The following ZNF609 variants were observed in gnomAD, a reference collection of about 807,000 sequenced individuals.
The protein encoded by ZNF609 is zinc finger protein 609.
ZNF609 carries 11 observed loss-of-function variants against 109.5 expected under a neutral mutation model. That is an observed-to-expected ratio of 0.10 (90% CI 0.06 to 0.17). The LOEUF (loss-of-function observed/expected upper bound fraction) is 0.17, where lower values mean the gene tolerates loss of function less well. ZNF609 is among the 10% of genes least tolerant of loss of function. The probability of loss-of-function intolerance (pLI) is 1.00; values close to 1 mark genes in which losing one functional copy is unlikely to be tolerated. For missense variants in ZNF609, 1,559 were observed against 1,772.4 expected (o/e 0.88, Z 2.16); for synonymous variants, 646 against 662.0 (o/e 0.98, Z 0.37).
At chr15:64,634,323 C>T (rs1001163406) in intron 3 of ZNF609, among the ~76,000 whole-genome samples, 15 of 152,124 alleles carry the variant, frequency 9.9e-5, no homozygotes, top group Non-Finnish European at 1.9e-4. Flanking sequence ...TTTTGCTTAG[C>T]AGGAAGTTAG....
chr15:64,561,840 A>T lies in ZNF609; in HGVS notation c.748-60987A>T, dbSNP rs531257957. Among the ~76,000 whole-genome samples the T allele has an allele frequency of 3.9e-5, 6 of 152,178 alleles. No individual in the cohort carries two copies. In the East Asian group the frequency reaches 1.2e-3, roughly 29 times the overall value. On this transcript the variant is annotated intron_variant, in intron 2 of 9. Coordinates refer to ENST00000326648, the MANE Select transcript of ZNF609 (RefSeq NM_015042.2). ...CACTCCTGAACACCAGGAACTGAACATTGTTGTGTTTGGGTATTGTGAGTA... is the reference window on the plus strand; with the variant it reads ...CACTCCTGAACACCAGGAACTGAACTTTGTTGTGTTTGGGTATTGTGAGTA...
intron 1 of ZNF609, among the ~76,000 whole-genome samples, chr15:64,478,194 G>GTGTC (rs1391029098): frequency 1.6e-4 from 23 of 146,602 alleles, no homozygotes; most frequent in Admixed American, 1.4e-3. Flanking sequence ...GTGTGTGTGT[G>GTGTC]TGTCTGTTTA....
At chr15:64,526,380 A>G (rs1349635330) in intron 2 of ZNF609, among the ~76,000 whole-genome samples, 3 of 152,110 alleles carry the variant, frequency 2.0e-5, no homozygotes, top group Non-Finnish European at 4.4e-5. Flanking sequence ...ATATGAGATC[A>G]TGTTATCTGC....
intron 2 of ZNF609, among the ~76,000 whole-genome samples, chr15:64,603,823 A>G (rs1895547140): frequency 6.6e-6 from 1 of 150,872 alleles, no homozygotes; most frequent in Admixed American, 6.6e-5. Flanking sequence ...AGATGGTGAA[A>G]CCCATCTTTA....
At chr15:64,512,604 T>C (rs73452270) in intron 2 of ZNF609, among the ~76,000 whole-genome samples, 2,200 of 152,268 alleles carry the variant, frequency 0.014, 61 homozygotes, top group African/African-American at 0.05. Context: ...AGAGGAAATA[T>C]CGCATCACAG....
intron 2 of ZNF609, among the ~76,000 whole-genome samples, chr15:64,530,251 A>G (rs971086469): frequency 1.3e-5 from 2 of 151,800 alleles, no homozygotes; most frequent in African/African-American, 2.4e-5. Context: ...CCTGACCTCA[A>G]GTGATCCGCT....
At chr15:64,548,905 G>A (rs914836132) in intron 2 of ZNF609, among the ~76,000 whole-genome samples, 5 of 152,142 alleles carry the variant, frequency 3.3e-5, no homozygotes, top group African/African-American at 1.2e-4. Flanking sequence ...TAAAAAAGAT[G>A]ATACAGAAAT....
chr15:64,655,934 A>C (rs1468837809), intron 3 of ZNF609, among the ~76,000 whole-genome samples: 2 of 152,210 alleles, frequency 1.3e-5, no homozygotes, highest in African/African-American at 4.8e-5. Flanking sequence ...TGGAATAAGT[A>C]ATTAACTAAC....
rs765652611 is a variant in ZNF609 at position 64,673,943 on chromosome 15, G to A, written c.1089G>A (p.Leu363=). 1.9e-6 allele frequency: 3 copies of A among 1,612,800 alleles called. No homozygotes were observed. Among genetic ancestry groups the A allele is most frequent in the Non-Finnish European group, 2.5e-6 (3 of 1,178,924 alleles). Residue 363 remains leucine, a synonymous_variant, in exon 5 of 10, where the codon CTG becomes CTA. Transcript: ENST00000326648. The part of the protein sequence containing the change: ...PRFCDSPTSD[L]EMRNGRGRGK... ...TCTGTGACTCCCCGACCAGTGACCT[G>A]GAAATGCGCAATGGCCGGGGTAGAG... is the stretch of plus-strand genomic sequence containing the variant.
At chr15:64,645,008 T>TCTTCCTTCCTTC (rs1170783769) in intron 3 of ZNF609, among the ~76,000 whole-genome samples, 8 of 140,152 alleles carry the variant, frequency 5.7e-5, no homozygotes, top group African/African-American at 1.4e-4. Flanking sequence ...TTTCTTTCTT[T>TCTTCCTTCCTTC]CTTCCTTCCT....
intron 3 of ZNF609, among the ~76,000 whole-genome samples, chr15:64,642,976 A>T (rs996160122): frequency 6.6e-6 from 1 of 152,156 alleles, no homozygotes; most frequent in African/African-American, 2.4e-5. Flanking sequence ...GAAGTTTCTG[A>T]ATATATTTAC....
intron 2 of ZNF609, among the ~76,000 whole-genome samples, chr15:64,604,735 A>G (rs1361391546): frequency 5.3e-5 from 8 of 152,202 alleles, no homozygotes; most frequent in Non-Finnish European, 1.0e-4. Flanking sequence ...CAGGGTTTCA[A>G]ATAATCCCAT....
rs539291197 is a variant in ZNF609 at position 64,612,025 on chromosome 15, G to A, written c.748-10802G>A. Among the ~76,000 whole-genome samples the A allele has an allele frequency of 1.1e-3, 174 of 151,696 alleles. 1 individual carries two copies. Among genetic ancestry groups the A allele is most frequent in the South Asian group, 2.1e-3 (10 of 4,798 alleles). ...GCTGGGATTACAGGCATGAGCCACC[G>A]TGCCCAGCCTGTACTTGCATTTTCT... On this transcript the variant is annotated intron_variant, in intron 2 of 9. Transcript: ENST00000326648.
intron 3 of ZNF609, among the ~76,000 whole-genome samples, chr15:64,662,521 C>T (rs1896593795): frequency 6.6e-6 from 1 of 152,172 alleles, no homozygotes; most frequent in Non-Finnish European, 1.5e-5. Context: ...GACAGGGTCT[C>T]ACTACATTGC....
chr15:64,645,202 T>A (rs1896318621), intron 3 of ZNF609, among the ~76,000 whole-genome samples: 2 of 147,002 alleles, frequency 1.4e-5, no homozygotes, highest in Admixed American at 1.4e-4. Flanking sequence ...GATATCCTCC[T>A]ACCTCAACCC....
chr15:64,543,501 T>C (rs1306356779), intron 2 of ZNF609, among the ~76,000 whole-genome samples: 1 of 151,358 alleles, frequency 6.6e-6, no homozygotes, highest in Non-Finnish European at 1.5e-5. Context: ...TGAAGTGCAG[T>C]GGCGTGATCT....
At chr15:64,588,581 G>T (rs1895242473) in intron 2 of ZNF609, among the ~76,000 whole-genome samples, 2 of 151,502 alleles carry the variant, frequency 1.3e-5, no homozygotes, top group South Asian at 4.2e-4. Context: ...CTGGGCTCAG[G>T]TGGTCCTCCC....
chr15:64,515,135 G>T (rs2140360367), intron 2 of ZNF609, among the ~76,000 whole-genome samples: 1 of 152,208 alleles, frequency 6.6e-6, no homozygotes, highest in South Asian at 2.1e-4. Flanking sequence ...TTCTACCTGG[G>T]ACATTCATTA....
chr15:64,555,095 CA>C lies in ZNF609; in HGVS notation c.747+54942del, dbSNP rs71133440. Among the ~76,000 whole-genome samples, 494 of 142,682 alleles carry C rather than the reference CA, an allele frequency of 3.5e-3. 7 individuals are homozygous for C. The highest frequency in any genetic ancestry group is 0.012 in the African/African-American group (448 of 38,450). 93.6% of individuals were successfully genotyped at this position (142,682 alleles called of 152,430 possible). ...TGAGCAACAGAACAAGACACCATCT[CA>C]AAAAAAAAAAAAGAATTTTCCACCC... On this transcript the variant is annotated intron_variant, in intron 2 of 9. Transcript: ENST00000326648.
Sources: allele counts gnomAD v4.1 joint callset (sites outside exome capture counted in the v4.1 genomes callset), GRCh38; gene constraint gnomAD v4.1.1; transcripts MANE v1.5; gene names NCBI Gene and HGNC (gene_info 2026-07-23, HGNC 2026-07-21).